JAK1: variants seen among roughly 807,000 people sequenced by gnomAD.
JAK1 encodes the protein tyrosine-protein kinase JAK1.
JAK1 carries 16 observed loss-of-function variants against 136.6 expected under a neutral mutation model. The observed-to-expected ratio is 0.12, with a 90% CI of 0.08 to 0.18. JAK1 has a LOEUF of 0.18. JAK1 is among the 10% of genes least tolerant of loss of function. JAK1 has a pLI of 1.00. For synonymous variants in JAK1, 492 were observed against 519.5 expected (o/e 0.95, Z 0.72); for missense variants, 859 against 1,450.1 (o/e 0.59, Z 6.62).
intron 1 of JAK1, among the ~76,000 whole-genome samples, chr1:64,893,485 C>T (rs72920199): frequency 0.021 from 3,235 of 152,276 alleles, 149 homozygotes; most frequent in African/African-American, 0.075. Flanking sequence ...GGTCCAGATC[C>T]CAGCTCTAAC....
intron 4 of JAK1, among the ~76,000 whole-genome samples, chr1:64,878,556 A>T (rs201976315): frequency 6.4e-5 from 7 of 109,300 alleles, no homozygotes; most frequent in Admixed American, 1.1e-4. Context: ...TTATATATAT[A>T]GTGTGTATAT....
intron 5 of JAK1, among the ~76,000 whole-genome samples, chr1:64,873,057 C>T (rs1476205518): frequency 1.3e-5 from 2 of 152,106 alleles, no homozygotes; most frequent in Non-Finnish European, 1.5e-5. Context: ...ACAAGCAGAG[C>T]TTCCCTCTGA....
intron 2 of JAK1, among the ~76,000 whole-genome samples, chr1:65,041,365 T>TG (rs1452032812): frequency 6.6e-6 from 1 of 152,172 alleles, no homozygotes; most frequent in Non-Finnish European, 1.5e-5. Context: ...TACACAAAGA[T>TG]GGAGTTTTAG....
chr1:64,998,235 A>C (rs1368763778), intron 2 of JAK1, among the ~76,000 whole-genome samples: 1 of 152,174 alleles, frequency 6.6e-6, no homozygotes, highest in Non-Finnish European at 1.5e-5. Context: ...TTCTCCAAAG[A>C]GATAGAGAAA....
chr1:65,013,089 C>T (rs546320289), intron 2 of JAK1, among the ~76,000 whole-genome samples: 1 of 128,300 alleles, frequency 7.8e-6, no homozygotes, highest in African/African-American at 3.1e-5. Flanking sequence ...GAGCAACACT[C>T]CGTCTCAAAA....
intron 1 of JAK1, among the ~76,000 whole-genome samples, chr1:64,894,359 A>T (rs1165784728): frequency 1.3e-5 from 2 of 152,218 alleles, no homozygotes; most frequent in Non-Finnish European, 1.5e-5. Context: ...CTAGAAACAA[A>T]GGGGGTTCCA....
At chr1:64,975,388 CAGG>C (rs953911875) in intron 2 of JAK1, among the ~76,000 whole-genome samples, 4 of 152,218 alleles carry the variant, frequency 2.6e-5, no homozygotes, top group African/African-American at 4.8e-5. Flanking sequence ...GCTCCCACAG[CAGG>C]AGATCTGAGC....
intron 2 of JAK1, among the ~76,000 whole-genome samples, chr1:65,031,211 TG>T (rs1647021508): frequency 6.7e-6 from 1 of 149,216 alleles, no homozygotes; most frequent in Non-Finnish European, 1.5e-5. Flanking sequence ...GGAAATATGG[TG>T]GATACCGCCT....
intron 2 of JAK1, among the ~76,000 whole-genome samples, chr1:64,983,795 T>C (rs1646572709): frequency 6.6e-6 from 1 of 152,224 alleles, no homozygotes; most frequent in East Asian, 1.9e-4. Context: ...CTTCAAGTAA[T>C]ACTACATATA....
chr1:65,018,487 A>ACACAC (rs1394294153), intron 2 of JAK1, among the ~76,000 whole-genome samples: 1 of 96,042 alleles, frequency 1.0e-5, no homozygotes. Context: ...AGAGAGAGAG[A>ACACAC]ACACACACAC....
chr1:65,001,320 G>C (rs1010131677), intron 2 of JAK1, among the ~76,000 whole-genome samples: 1 of 152,154 alleles, frequency 6.6e-6, no homozygotes, highest in Non-Finnish European at 1.5e-5. Flanking sequence ...TACCAAAAGG[G>C]GCCCAGCCTC....
chr1:64,903,401 C>T (rs1010983602), intron 1 of JAK1, among the ~76,000 whole-genome samples: 3 of 152,188 alleles, frequency 2.0e-5, no homozygotes, highest in African/African-American at 7.2e-5. Flanking sequence ...GAAAGCAGCC[C>T]TCATGGCATG....
At chr1:64,907,888 A>C (rs1004505113) in intron 1 of JAK1, among the ~76,000 whole-genome samples, 3 of 152,214 alleles carry the variant, frequency 2.0e-5, no homozygotes, top group Non-Finnish European at 4.4e-5. Context: ...AGCTCACACC[A>C]AAACTGTATT....
chr1:64,834,691 G>T, intron 24 of JAK1, 34 bp from the exon 25 acceptor site: 1 of 1,341,792 alleles, frequency 7.5e-7, no homozygotes, highest in Non-Finnish European at 1.1e-6. Flanking sequence ...CAGTAAAAAT[G>T]TTAGATCTGG....
upstream of JAK1, among the ~76,000 whole-genome samples, chr1:64,968,948 A>T (rs1273834768): frequency 2.6e-5 from 4 of 151,098 alleles, no homozygotes; most frequent in Non-Finnish European, 4.4e-5. Context: ...AAAAAAAAAA[A>T]AAAAAAGGTA....
chr1:65,030,690 C>T lies in JAK1; in HGVS notation c.-78+13790G>A, dbSNP rs138551544. 6.6e-3 allele frequency among the ~76,000 whole-genome samples: 997 copies of T among 152,180 alleles called. 8 individuals carry two copies. Among genetic ancestry groups the T allele is most frequent in the African/African-American group, 0.023 (958 of 41,534 alleles). On this transcript the variant is annotated intron_variant, in intron 2 of 25. Transcript: ENST00000671954. ...TGGGATTACAGGTGCACACACCAGG[C>T]CCAGCTAATTTTTGTATTTTTAGTA...
chr1:64,851,581 A>G (rs1655599289), intron 11 of JAK1, among the ~76,000 whole-genome samples: 2 of 152,230 alleles, frequency 1.3e-5, no homozygotes, highest in Admixed American at 6.5e-5. Context: ...TGCAGGTTTA[A>G]GTAGACTATC....
chr1:64,981,776 T>C (rs1262273376), intron 2 of JAK1, among the ~76,000 whole-genome samples: 1 of 152,218 alleles, frequency 6.6e-6, no homozygotes, highest in Non-Finnish European at 1.5e-5. Context: ...GTGTTTACAC[T>C]ATTACACAGC....
chr1:64,835,254 G>A (rs1170083694), intron 24 of JAK1, 142 bp downstream of exon 24: 2 of 523,184 alleles, frequency 3.8e-6, no homozygotes, highest in Non-Finnish European at 6.7e-6. Flanking sequence ...TATCTTATGT[G>A]AAATTCAGCT....
Sources: gnomAD v4.1 joint callset for allele counts (sites outside exome capture counted in the v4.1 genomes callset) on GRCh38, gnomAD v4.1.1 for gene constraint, MANE v1.5 for transcripts, NCBI Gene and HGNC (gene_info 2026-07-23, HGNC 2026-07-21) for gene names.